FAM135A: variants seen among roughly 807,000 people sequenced by gnomAD.
FAM135A encodes family with sequence similarity 135 member A.
In FAM135A, 79 loss-of-function variants were observed where a neutral mutation model predicts 146.8. That is an observed-to-expected ratio of 0.54 (90% CI 0.45 to 0.65). The LOEUF is 0.65. Among genes scored for constraint, FAM135A ranks in the 30% least tolerant of loss-of-function variants. The pLI is 0.00. For synonymous variants in FAM135A, 562 were observed against 603.6 expected (o/e 0.93, Z 1.01); for missense variants, 1,623 against 1,758.2 (o/e 0.92, Z 1.38).
intron 7 of FAM135A, among the ~76,000 whole-genome samples, chr6:70,476,383 A>G (rs1019835710): frequency 6.6e-6 from 1 of 152,204 alleles, no homozygotes; most frequent in African/African-American, 2.4e-5. Context: ...TTCAGACTGC[A>G]TGTGGGATAA....
intron 20 of FAM135A, among the ~76,000 whole-genome samples, chr6:70,555,640 T>A (rs1409365201): frequency 1.3e-5 from 2 of 152,162 alleles, no homozygotes; most frequent in Admixed American, 6.6e-5. Flanking sequence ...TGAATACCTG[T>A]GCTCTAGGAC....
chr6:70,487,913 C>T (rs1012274275), intron 10 of FAM135A, among the ~76,000 whole-genome samples: 7 of 152,184 alleles, frequency 4.6e-5, no homozygotes, highest in African/African-American at 1.7e-4. Flanking sequence ...AAAACTAAAA[C>T]ATAATGAAGT....
At chr6:70,458,242 G>A (rs1778753551) in intron 5 of FAM135A, among the ~76,000 whole-genome samples, 1 of 152,096 alleles carries the variant, frequency 6.6e-6, no homozygotes, top group African/African-American at 2.4e-5. Flanking sequence ...GACAGAAGAA[G>A]AAAGAAATAC....
chr6:70,502,789 AG>A lies in FAM135A; in HGVS notation c.1029+1del. Reference protein sequence around the residue: ...ILLAQEHHTLRVRRFSEAFFC... With the variant: ...ILLAQEHHTLXVRRFSEAFFC... ...ATTAGCACAAGAGCACCATACTTTG[AG>A]GGTAAGTTAAAGAGAAGTGATTTTA... On this transcript the variant is annotated frameshift_variant and splice_region_variant, in exon 12 of 22. Coordinates refer to ENST00000418814, the MANE Select transcript of FAM135A (RefSeq NM_001162529.3). LOFTEE classifies it high-confidence loss of function. 1 of 1,606,764 alleles carries A rather than the reference AG, an allele frequency of 6.2e-7. No individual in the cohort carries two copies. Among genetic ancestry groups the A allele is most frequent in the Non-Finnish European group, 8.5e-7 (1 of 1,176,756 alleles).
intron 16 of FAM135A, among the ~76,000 whole-genome samples, chr6:70,530,812 T>C (rs997076581): frequency 6.6e-6 from 1 of 152,114 alleles, no homozygotes; most frequent in Non-Finnish European, 1.5e-5. Flanking sequence ...AATAGAAATA[T>C]AAACTTCATT....
At chr6:70,420,361 T>C (rs746346580) in intron 2 of FAM135A, among the ~76,000 whole-genome samples, 6 of 152,210 alleles carry the variant, frequency 3.9e-5, no homozygotes, top group Non-Finnish European at 7.4e-5. Context: ...TTTCCTCTTT[T>C]AGGTTCTGAA....
In FAM135A at chr6:70,524,395, T is replaced by G; in HGVS notation, c.1311T>G (p.Ser437Arg). ...AGAATCTTCAGAGATCAGAGTCCAG[T>G]AAAATGGATAAATATGAGACTGAAG... ...GIQNLQRSES[S>R]KMDKYETEES... The change falls in exon 15 of 22, where the codon AGT (serine) becomes AGG (arginine). Residue 437 changes from serine to arginine, a missense_variant. Ser to Arg is a moderately radical substitution (Grantham distance 110). Coordinates refer to ENST00000418814, the MANE Select transcript of FAM135A (RefSeq NM_001162529.3). 1 of 1,518,784 alleles carries G rather than the reference T, an allele frequency of 6.6e-7. No individual in the cohort carries two copies. The highest frequency in any genetic ancestry group is 8.8e-7 in the Non-Finnish European group (1 of 1,138,232). 94.1% of individuals were successfully genotyped at this position (1,518,784 alleles called of 1,614,324 possible). A position where few individuals can be genotyped will look rare whatever the true frequency, so the allele number is the denominator to read the frequency against.
rs1053233557 is a variant in FAM135A at position 70,531,792 on chromosome 6, C to T, written c.3776-1368C>T. Among the ~76,000 whole-genome samples the T allele has an allele frequency of 2.6e-5, 4 of 151,978 alleles. No homozygotes were observed. In the East Asian group the frequency reaches 7.7e-4, roughly 29 times the overall value. On this transcript the variant is annotated intron_variant, in intron 16 of 21. Transcript: ENST00000418814. ...TTTTGTAAAGCCTCCGTTATTTCAC[C>T]ATTCTTCCGCTGAAGCTTCACCATA...
rs771673126 is a variant in FAM135A, at chr6:70,525,740, A to G, written c.2656A>G (p.Lys886Glu). 1 of 1,613,376 alleles carries G rather than the reference A, an allele frequency of 6.2e-7. No homozygotes were observed. The highest frequency in any genetic ancestry group is 8.5e-7 in the Non-Finnish European group (1 of 1,179,624). ...TTDLPKCDDT[K>E]KSSITLQQQS... is the part of the protein sequence containing the mutation. ...TGATTTGCCAAAATGTGATGATACT[A>G]AAAAGTCAAGTATCACTTTGCAACA... The change falls in exon 15 of 22, where the codon AAA (lysine) becomes GAA (glutamate). Residue 886 changes from lysine (K) to glutamate (E), a missense_variant. Around this residue, in one of 7 missense-constraint regions of FAM135A, gnomAD observed 1,061 missense variants for 1,113.8 expected, o/e 0.95. Coordinates refer to ENST00000418814, the MANE Select transcript of FAM135A (RefSeq NM_001162529.3).
Position 70,524,782 on chromosome 6 carries a change from A to G in FAM135A, c.1698A>G (p.Arg566=). 6.4e-7 allele frequency: 1 copy of G among 1,551,916 alleles called. No individual in the cohort carries two copies. The change falls in exon 15 of 22, where the codon AGA becomes AGG. Residue 566 remains arginine (R), a synonymous_variant. Coordinates refer to ENST00000418814, the MANE Select transcript of FAM135A (RefSeq NM_001162529.3). ...ATTTTGACCCAAAGACCTACATGAG[A>G]CAGACAAGTCAAAAGGAAGCTAGCT... ...GYNFDPKTYM[R]QTSQKEASCL...
Position 70,559,998 on chromosome 6 carries a change from A to T in FAM135A, c.*77A>T. 8.7e-7 allele frequency: 1 copy of T among 1,152,478 alleles called. No individual in the cohort carries two copies. Among genetic ancestry groups the T allele is most frequent in the Non-Finnish European group, 1.2e-6 (1 of 812,500 alleles). 71.4% of individuals were successfully genotyped at this position (1,152,478 alleles called of 1,614,324 possible). Reference sequence around the variant, plus strand: ...AATAATGTATTATATTAAAATGTAGATGCTGATAAGTTCTAAGAAATATTT... The same window carrying T: ...AATAATGTATTATATTAAAATGTAGTTGCTGATAAGTTCTAAGAAATATTT... On this transcript the variant is annotated 3_prime_UTR_variant, in exon 22 of 22. Transcript: ENST00000418814.
intron 18 of FAM135A, among the ~76,000 whole-genome samples, chr6:70,534,266 T>C (rs1480630078): frequency 2.0e-5 from 3 of 150,620 alleles, no homozygotes; most frequent in South Asian, 4.2e-4. Flanking sequence ...TATATGTATA[T>C]GATATATGTA....
intron 11 of FAM135A, among the ~76,000 whole-genome samples, chr6:70,500,535 T>C (rs1788259984): frequency 2.0e-5 from 3 of 152,186 alleles, no homozygotes; most frequent in African/African-American, 7.2e-5. Context: ...TGGAGAGGAG[T>C]TGCAATCATT....
Position 70,525,528 on chromosome 6 carries a change from T to C in FAM135A, c.2444T>C (p.Val815Ala), listed in dbSNP as rs1794522526. ...CTTTTGATGAAACCTGATTATAATGTAAAATTTTCATTAGGAAATCATTGT... is the reference window on the plus strand; with the variant it reads ...CTTTTGATGAAACCTGATTATAATGCAAAATTTTCATTAGGAAATCATTGT... ...PQLLMKPDYN[V>A]KFSLGNHCTE... Residue 815 changes from valine (V) to alanine (A), a missense_variant, in exon 15 of 22, where the codon GTA (valine) becomes GCA (alanine). Physicochemically the swap from Val to Ala is moderately conservative, Grantham distance 64. Around this residue, in one of 7 missense-constraint regions of FAM135A, gnomAD observed 1,061 missense variants for 1,113.8 expected, o/e 0.95. Transcript: ENST00000418814. The C allele has an allele frequency of 6.2e-7, 1 of 1,612,394 alleles. No individual in the cohort carries two copies. Among genetic ancestry groups the C allele is most frequent in the African/African-American group, 1.3e-5 (1 of 74,830 alleles).
intron 11 of FAM135A, among the ~76,000 whole-genome samples, chr6:70,499,939 T>C (rs1788107434): frequency 6.6e-6 from 1 of 152,176 alleles, no homozygotes; most frequent in Non-Finnish European, 1.5e-5. Context: ...TTGGAGAATC[T>C]GAAGATTATG....
chr6:70,463,974 A>G (rs1399044267), intron 5 of FAM135A, among the ~76,000 whole-genome samples: 2 of 152,210 alleles, frequency 1.3e-5, no homozygotes, highest in African/African-American at 4.8e-5. Context: ...AGATTATCAC[A>G]TTGTACTGCA....
intron 4 of FAM135A, among the ~76,000 whole-genome samples, chr6:70,451,613 C>A (rs6918393): frequency 0.27 from 40,859 of 151,946 alleles, 7,064 homozygotes; most frequent in African/African-American, 0.49. Context: ...CGATCTGATG[C>A]TATATCCTTT....
At chr6:70,501,906 C>T (rs1047284946) in intron 11 of FAM135A, among the ~76,000 whole-genome samples, 6 of 152,160 alleles carry the variant, frequency 3.9e-5, no homozygotes, top group South Asian at 2.1e-4. Flanking sequence ...TGTTCCTATT[C>T]GGCCATCTTT....
intron 8 of FAM135A, among the ~76,000 whole-genome samples, chr6:70,477,666 C>T (rs1023610176): frequency 1.3e-5 from 2 of 152,100 alleles, no homozygotes; most frequent in Admixed American, 6.6e-5. Context: ...CTAAACCATT[C>T]GTGAGAAATC....
Sources: gnomAD v4.1 joint callset for allele counts (sites outside exome capture counted in the v4.1 genomes callset) on GRCh38, gnomAD v4.1.1 for gene constraint, gnomAD v4.1.1 regional missense constraint, MANE v1.5 for transcripts, NCBI Gene and HGNC (gene_info 2026-07-23, HGNC 2026-07-21) for gene names.